The following SPNS1 variants were observed in gnomAD, a reference collection of about 807,000 sequenced individuals.
SPNS1 encodes the protein SPNS lysolipid transporter 1, lysophospholipid, also known as protein spinster homolog 1.
In SPNS1, 22 loss-of-function variants were observed where a neutral mutation model predicts 50.3. The ratio of observed to expected loss-of-function variants is 0.44; its 90% CI spans 0.31 to 0.62. The LOEUF is 0.62. Among genes scored for constraint, SPNS1 ranks in the 20% least tolerant of loss-of-function variants. The pLI is 0.07. For missense variants in SPNS1, 576 were observed against 728.6 expected, an observed-to-expected ratio of 0.79 and a Z score of 2.41; for synonymous variants, 295 against 317.4, an observed-to-expected ratio of 0.93 and a Z score of 0.75.
At chr16:28,980,609 T>C (rs1361631351) in intron 5 of SPNS1, 1 of 151,608 alleles carries the variant, frequency 6.6e-6, no homozygotes, top group African/African-American at 2.4e-5. Flanking sequence ...TCCAGCACTT[T>C]GGGAGGCCAA....
In SPNS1 at chr16:28,982,602, C is replaced by A. The variant is rs1023663719; in HGVS notation, c.1155+57C>A. ...CGTGGGTCCAGGGTGGAGGAGCAGT[C>A]AGCGTAATGGCCACTCGAGGTGGAA... is the stretch of plus-strand genomic sequence containing the variant. On this transcript the variant is annotated intron_variant, in intron 8 of 11. Transcript: ENST00000311008. 3 of 1,528,888 alleles carry A rather than the reference C, an allele frequency of 2.0e-6. No individual in the cohort carries two copies. In the African/African-American group the frequency reaches 4.1e-5, roughly 21 times the overall value. 94.7% of individuals were successfully genotyped at this position (1,528,888 alleles called of 1,614,324 possible).
At chr16:28,982,643 C>A in intron 8 of SPNS1, 98 bp downstream of exon 8, 2 of 1,396,378 alleles carry the variant, frequency 1.4e-6, no homozygotes, top group Admixed American at 2.0e-5. Flanking sequence ...GGTTTTGAAT[C>A]ACAGCTCTGG....
At position 28,983,855 on chromosome 16, in the gene SPNS1, C is replaced by T; in HGVS notation, c.1390C>T (p.Leu464Phe). 6.2e-7 allele frequency: 1 copy of T among 1,604,728 alleles called. No homozygotes were observed. Among genetic ancestry groups the T allele is most frequent in the Non-Finnish European group, 8.5e-7 (1 of 1,179,540 alleles). The change falls in exon 11 of 12, where the codon CTC (leucine) becomes TTC (phenylalanine). Residue 464 changes from leucine to phenylalanine, a missense_variant. Leu to Phe is a conservative substitution (Grantham distance 22). Coordinates refer to ENST00000311008, the MANE Select transcript of SPNS1 (RefSeq NM_032038.3). The surrounding 1 kb of genome is among the most constrained non-coding windows in gnomAD (Gnocchi z 5.4). ...LSEFRALQFS[L>F]MLCAFVGALG... ...CGAGTTCCGGGCTCTGCAGTTCTCG[C>T]TCATGCTCTGCGCGTTTGTTGGGGC...
In SPNS1 at chr16:28,981,886, C is replaced by T. The variant is rs748687384; in HGVS notation, c.810-15C>T. 7 of 1,613,862 alleles carry T rather than the reference C, an allele frequency of 4.3e-6. No individual in the cohort carries two copies. Among genetic ancestry groups the T allele is most frequent in the South Asian group, 1.1e-5 (1 of 91,090 alleles). ...CTCCGTGGGGTCTTACTCTCTCCCTCCCAACTATCTGCAGTCCTAGTTTCG... is the reference window on the plus strand; with the variant it reads ...CTCCGTGGGGTCTTACTCTCTCCCTTCCAACTATCTGCAGTCCTAGTTTCG... On this transcript the variant is annotated splice_polypyrimidine_tract_variant and intron_variant, in intron 6 of 11. Coordinates refer to ENST00000311008, the MANE Select transcript of SPNS1 (RefSeq NM_032038.3). This position sits in a 1 kb window ranked among gnomAD's most constrained non-coding sequence, Gnocchi z 4.2.
intron 5 of SPNS1, chr16:28,980,573 C>G (rs376425314): frequency 2.0e-5 from 3 of 150,394 alleles, no homozygotes; most frequent in Non-Finnish European, 4.4e-5. Context: ...CCCTAGAGGC[C>G]GGGTGCGGTG....
At chr16:28,977,040 C>A (rs1052728646) in intron 2 of SPNS1, among the ~76,000 whole-genome samples, 1 of 152,188 alleles carries the variant, frequency 6.6e-6, no homozygotes, top group African/African-American at 2.4e-5. Flanking sequence ...AGAAAACAGT[C>A]CAGGCGCTGT....
chr16:28,977,188 C>T (rs548154436), intron 2 of SPNS1, among the ~76,000 whole-genome samples: 4 of 151,994 alleles, frequency 2.6e-5, no homozygotes, highest in Non-Finnish European at 4.4e-5. Context: ...CGTGGTGGCA[C>T]GCCCCTGTAG....
rs748746757 is a variant in SPNS1 at position 28,984,357 on chromosome 16, G to A, written c.*58G>A. 2.9e-5 allele frequency: 44 copies of A among 1,543,002 alleles called. No homozygotes were observed. Among genetic ancestry groups the A allele is most frequent in the Non-Finnish European group, 3.7e-5 (42 of 1,131,516 alleles). ...ACAGCTGGCCCTGGGCCCACCCCAC[G>A]AAGGGCCTGGGCCTAACCCCTTGGC... On this transcript the variant is annotated 3_prime_UTR_variant, in exon 12 of 12. Transcript: ENST00000311008.
chr16:28,983,049 CA>C lies in SPNS1; in HGVS notation c.1221+128del. ...CTTCTGCAATAAATAACATCTGTAG[CA>C]GACCCCCGGCCTGCCCTGCGACCTC... On this transcript the variant is annotated intron_variant, in intron 9 of 11. Coordinates refer to ENST00000311008, the MANE Select transcript of SPNS1 (RefSeq NM_032038.3). This position sits in a 1 kb window ranked among gnomAD's most constrained non-coding sequence, Gnocchi z 5.4. The C allele has an allele frequency of 7.9e-7, 1 of 1,269,242 alleles. No individual in the cohort carries two copies. Among genetic ancestry groups the C allele is most frequent in the Non-Finnish European group, 1.1e-6 (1 of 885,988 alleles). The allele number at this position is 1,269,242 out of a possible 1,614,324, so 78.6% of individuals were successfully genotyped here.
rs1248994123 is a variant in SPNS1 at position 28,977,970 on chromosome 16, C to T, written c.370C>T (p.Arg124Trp). The part of the protein sequence containing the change: ...VFGYLGDRYN[R>W]KYLMCGGIAF... ...TGGCTACCTGGGTGACAGGTACAAT[C>T]GGAAGTATCTCATGTGCGGGGGCAT... Residue 124 changes from arginine (R) to tryptophan (W), a missense_variant, in exon 3 of 12, where the codon CGG (arginine) becomes TGG (tryptophan). Coordinates refer to ENST00000311008, the MANE Select transcript of SPNS1 (RefSeq NM_032038.3). 3.1e-6 allele frequency: 5 copies of T among 1,613,872 alleles called. No homozygotes were observed. Among genetic ancestry groups the T allele is most frequent in the African/African-American group, 1.3e-5 (1 of 74,980 alleles).
chr16:28,975,056 C>T lies in SPNS1; in HGVS notation c.-96C>T, dbSNP rs963849539. On this transcript the variant is annotated 5_prime_UTR_variant, in exon 1 of 12. Coordinates refer to ENST00000311008, the MANE Select transcript of SPNS1 (RefSeq NM_032038.3). ...CCGTCTCCGGGCGCACTTCCCTCGC[C>T]TGTGTTCGGTCCATCCTCCTTTCTC... 1.4e-6 allele frequency: 2 copies of T among 1,435,570 alleles called. No individual in the cohort carries two copies. Among genetic ancestry groups the T allele is most frequent in the Admixed American group, 2.8e-5 (1 of 35,524 alleles). 88.9% of individuals were successfully genotyped at this position (1,435,570 alleles called of 1,614,324 possible).
Position 28,981,855 on chromosome 16 carries a change from C to G in SPNS1, c.810-46C>G. Reference sequence around the variant, plus strand: ...GGAGAAGAGAGGTCCCCTCCTGCCTCGACACCTCCGTGGGGTCTTACTCTC... The same window carrying G: ...GGAGAAGAGAGGTCCCCTCCTGCCTGGACACCTCCGTGGGGTCTTACTCTC... On this transcript the variant is annotated intron_variant, in intron 6 of 11. Transcript: ENST00000311008. This position sits in a 1 kb window ranked among gnomAD's most constrained non-coding sequence, Gnocchi z 4.2. 6.2e-7 allele frequency: 1 copy of G among 1,607,004 alleles called. No individual in the cohort carries two copies. The highest frequency in any genetic ancestry group is 2.2e-5 in the East Asian group (1 of 44,756).
chr16:28,979,068 C>G (rs1207493110), intron 3 of SPNS1, 87 bp from the exon 4 acceptor site: 4 of 1,523,270 alleles, frequency 2.6e-6, no homozygotes, highest in Non-Finnish European at 3.5e-6. Context: ...CCCGCCATCC[C>G]TGCTGCCTCT....
intron 3 of SPNS1, among the ~76,000 whole-genome samples, 200 bp downstream of exon 3, chr16:28,978,244 T>C (rs769633424): frequency 6.6e-5 from 10 of 151,934 alleles, no homozygotes; most frequent in Non-Finnish European, 1.5e-4. Flanking sequence ...CTCTGTCCAT[T>C]ATCCCCTCTT....
At chr16:28,980,900 G>GGGCTGTCTT (rs1965526771) in intron 5 of SPNS1, among the ~76,000 whole-genome samples, 1 of 152,136 alleles carries the variant, frequency 6.6e-6, no homozygotes, top group Admixed American at 6.5e-5. Flanking sequence ...CCCCCTAAAG[G>GGGCTGTCTT]GGCTGTCTTG....
At chr16:28,976,649 C>T (rs772056194) in intron 2 of SPNS1, among the ~76,000 whole-genome samples, 5 of 152,112 alleles carry the variant, frequency 3.3e-5, no homozygotes, top group Admixed American at 6.6e-5. Flanking sequence ...CAGTTGGAGG[C>T]GGAACAGGAA....
chr16:28,984,269 C>T lies in SPNS1; in HGVS notation c.1557C>T (p.Thr519=). Residue 519 remains threonine, a synonymous_variant, in exon 12 of 12, where the codon ACC becomes ACT. Transcript: ENST00000311008. ...TGGTGCCCCAGCGGGGCCGCTCCACCCGCGTGCCCGTGGCCAGTGTGCTCA... is the reference window on the plus strand; with the variant it reads ...TGGTGCCCCAGCGGGGCCGCTCCACTCGCGTGCCCGTGGCCAGTGTGCTCA... ...RIVVPQRGRS[T]RVPVASVLI 6.2e-7 allele frequency: 1 copy of T among 1,612,442 alleles called. No homozygotes were observed. Among genetic ancestry groups the T allele is most frequent in the Non-Finnish European group, 8.5e-7 (1 of 1,179,676 alleles).
chr16:28,977,942 G>T lies in SPNS1; in HGVS notation c.342G>T (p.Val114=), dbSNP rs779631079. 1.2e-6 allele frequency: 2 copies of T among 1,613,864 alleles called. No individual in the cohort carries two copies. The highest frequency in any genetic ancestry group is 2.2e-5 in the East Asian group (1 of 44,894). ...FISSYMVLAP[V]FGYLGDRYNR... is the part of the protein sequence containing the mutation. ...CCAGTTACATGGTGTTGGCACCTGT[G>T]TTTGGCTACCTGGGTGACAGGTACA... The change falls in exon 3 of 12, where the codon GTG becomes GTT. Residue 114 remains valine (V), a synonymous_variant. Coordinates refer to ENST00000311008, the MANE Select transcript of SPNS1 (RefSeq NM_032038.3).
At chr16:28,975,665 C>T (rs1965317497) in intron 2 of SPNS1, 108 bp downstream of exon 2, 1 of 1,267,610 alleles carries the variant, frequency 7.9e-7, no homozygotes, top group Non-Finnish European at 1.1e-6. Flanking sequence ...GTTTTGTGGC[C>T]AGTTAGGGGA....
Sources: gnomAD v4.1 joint callset for allele counts (sites outside exome capture counted in the v4.1 genomes callset) on GRCh38, gnomAD v4.1.1 for gene constraint, Gnocchi (gnomAD v3.1) non-coding constraint, MANE v1.5 for transcripts, NCBI Gene and HGNC (gene_info 2026-07-23, HGNC 2026-07-21) for gene names.